Variants in RBM47 observed in about 807,000 individuals in gnomAD.
RBM47 encodes the protein RNA-binding protein 47.
In RBM47, 21 loss-of-function variants were observed where a neutral mutation model predicts 47.1. The observed-to-expected ratio is 0.45, with a 90% CI of 0.32 to 0.64. The LOEUF is 0.64. RBM47 is among the 30% of genes least tolerant of loss of function. The pLI, the probability that RBM47 is intolerant of heterozygous loss-of-function variation, is 0.05. For synonymous variants in RBM47, 375 were observed against 361.7 expected (o/e 1.04, Z -0.42); for missense variants, 708 against 870.9 (o/e 0.81, Z 2.35).
intron 2 of RBM47, among the ~76,000 whole-genome samples, chr4:40,493,189 G>A (rs1722125667): frequency 6.6e-6 from 1 of 152,138 alleles, no homozygotes; most frequent in African/African-American, 2.4e-5. Flanking sequence ...CTATGAGCTG[G>A]GTGCCGAGGT....
intron 2 of RBM47, among the ~76,000 whole-genome samples, chr4:40,524,544 G>C (rs1324921096): frequency 6.6e-6 from 1 of 152,164 alleles, no homozygotes; most frequent in Non-Finnish European, 1.5e-5. Flanking sequence ...TGGAAGTGCC[G>C]TGTGTGTCAA....
At chr4:40,548,570 G>A (rs185060901) in intron 1 of RBM47, among the ~76,000 whole-genome samples, 66 of 152,368 alleles carry the variant, frequency 4.3e-4, no homozygotes, top group Non-Finnish European at 2.9e-5. Context: ...TGCCGGTCAA[G>A]GTCAGTCATC....
intron 1 of RBM47, among the ~76,000 whole-genome samples, chr4:40,579,404 A>G (rs1238287798): frequency 7.4e-6 from 1 of 134,418 alleles, no homozygotes; most frequent in East Asian, 2.4e-4. Flanking sequence ...CCTGGGTGAC[A>G]GAGCGAGACC....
At chr4:40,597,981 C>T (rs566754036) in intron 1 of RBM47, among the ~76,000 whole-genome samples, 1 of 152,316 alleles carries the variant, frequency 6.6e-6, no homozygotes, top group East Asian at 1.9e-4. Flanking sequence ...ATTTAGCATA[C>T]CAACTGCTAG....
At chr4:40,449,668 A>G (rs1368429119) in intron 3 of RBM47, among the ~76,000 whole-genome samples, 1 of 152,092 alleles carries the variant, frequency 6.6e-6, no homozygotes, top group Non-Finnish European at 1.5e-5. Flanking sequence ...ACCAGTTAGG[A>G]AACTATTATC....
chr4:40,569,192 A>C (rs775159636), intron 1 of RBM47, among the ~76,000 whole-genome samples: 2 of 151,996 alleles, frequency 1.3e-5, no homozygotes, highest in Non-Finnish European at 2.9e-5. Flanking sequence ...GAGAGCCAGA[A>C]GAAATACAGG....
rs773468175 is a variant in RBM47 at position 40,426,029 on chromosome 4, C to T, written c.1657G>A (p.Ala553Thr). 10 of 1,614,182 alleles carry T rather than the reference C, an allele frequency of 6.2e-6. No homozygotes were observed. Among genetic ancestry groups the T allele is most frequent in the South Asian group, 4.4e-5 (4 of 91,080 alleles). Residue 553 changes from alanine to threonine, a missense_variant, in exon 7 of 7, where the codon GCC (alanine) becomes ACC (threonine). Coordinates refer to ENST00000295971, the MANE Select transcript of RBM47 (RefSeq NM_001098634.2). ...PFAAPATATI[A>T]TLQKNAAAAA... The stretch of plus-strand genomic sequence containing the variant: ...GCTGCCGCGTTCTTCTGTAGTGTGG[C>T]GATCGTGGCTGTAGCTGGAGCAGCA...
At chr4:40,591,552 G>C (rs953019212) in intron 1 of RBM47, among the ~76,000 whole-genome samples, 14 of 151,890 alleles carry the variant, frequency 9.2e-5, no homozygotes, top group African/African-American at 3.4e-4. Context: ...AAATTAGCTG[G>C]GCGTGGTGGC....
intron 2 of RBM47, among the ~76,000 whole-genome samples, chr4:40,496,573 C>A (rs11944912): frequency 0.051 from 7,818 of 152,182 alleles, 476 homozygotes; most frequent in African/African-American, 0.15. Context: ...TAGCTACCAA[C>A]CAAAATGGCT....
Position 40,425,976 on chromosome 4 carries a change from T to C in RBM47, c.1710A>G (p.Ala570=). The part of the protein sequence containing the change: ...AAAAAMYGGY[A]GYIPQAFPAA... ...CAGGGAAGGCCTGAGGTATGTAGCC[T>C]GCGTATCCTCCATACATGGCGGCCG... Residue 570 remains alanine (A), a synonymous_variant, in exon 7 of 7, where the codon GCA becomes GCG. Coordinates refer to ENST00000295971, the MANE Select transcript of RBM47 (RefSeq NM_001098634.2). 1 of 1,614,188 alleles carries C rather than the reference T, an allele frequency of 6.2e-7. No homozygotes were observed. The highest frequency in any genetic ancestry group is 2.2e-5 in the East Asian group (1 of 44,882).
At chr4:40,518,047 T>C (rs1201042893) in intron 2 of RBM47, among the ~76,000 whole-genome samples, 1 of 152,108 alleles carries the variant, frequency 6.6e-6, no homozygotes, top group African/African-American at 2.4e-5. Context: ...TTTTATTTAT[T>C]TATTTATTTT....
chr4:40,441,781 G>T (rs1397217253), intron 3 of RBM47, among the ~76,000 whole-genome samples: 1 of 152,090 alleles, frequency 6.6e-6, no homozygotes, highest in Admixed American at 6.5e-5. Flanking sequence ...AATAATATAA[G>T]AAAAAATCCT....
intron 1 of RBM47, among the ~76,000 whole-genome samples, chr4:40,608,291 T>C (rs1042267177): frequency 3.3e-5 from 5 of 152,170 alleles, no homozygotes; most frequent in African/African-American, 1.2e-4. Context: ...TGTCCCCACA[T>C]GAGTGTGAGC....
intron 2 of RBM47, among the ~76,000 whole-genome samples, chr4:40,469,950 GT>G (rs1181844036): frequency 2.0e-5 from 3 of 152,066 alleles, no homozygotes; most frequent in African/African-American, 7.2e-5. Context: ...ATTTAATATT[GT>G]TATGTTTGCC....
intron 2 of RBM47, among the ~76,000 whole-genome samples, chr4:40,486,356 T>C (rs1721087789): frequency 6.6e-6 from 1 of 152,142 alleles, no homozygotes; most frequent in African/African-American, 2.4e-5. Context: ...ACACAATACA[T>C]ACGAGCAAAG....
chr4:40,581,144 G>A (rs1031141302), intron 1 of RBM47, among the ~76,000 whole-genome samples: 13 of 152,106 alleles, frequency 8.5e-5, no homozygotes, highest in Admixed American at 2.6e-4. Flanking sequence ...GGAGAAAGCC[G>A]GGCACGGTGG....
intron 1 of RBM47, among the ~76,000 whole-genome samples, chr4:40,581,368 G>C (rs1578006064): frequency 1.3e-5 from 2 of 151,672 alleles, no homozygotes; most frequent in Non-Finnish European, 2.9e-5. Flanking sequence ...GTTGCAGTGA[G>C]CCGAGCTCAC....
At chr4:40,428,386 A>T (rs139218943) in intron 6 of RBM47, among the ~76,000 whole-genome samples, 1 of 152,298 alleles carries the variant, frequency 6.6e-6, no homozygotes, top group East Asian at 1.9e-4. Flanking sequence ...AAGCAATGCA[A>T]TGTGTGACTC....
At chr4:40,568,984 AAGAT>A (rs60078594) in intron 1 of RBM47, among the ~76,000 whole-genome samples, 3,237 of 145,252 alleles carry the variant, frequency 0.022, 75 homozygotes, top group African/African-American at 0.053. Flanking sequence ...TCTGTCTCAA[AAGAT>A]AGATAGATAG....
Sources: gnomAD v4.1 joint callset for allele counts (sites outside exome capture counted in the v4.1 genomes callset) on GRCh38, gnomAD v4.1.1 for gene constraint, MANE v1.5 for transcripts, NCBI Gene and HGNC (gene_info 2026-07-23, HGNC 2026-07-21) for gene names.